Variants in DYSF observed in about 807,000 individuals in gnomAD.
DYSF encodes dystrophy-associated fer-1-like 1.
Under a neutral mutation model 274.9 loss-of-function variants are expected in DYSF, and 212 were observed. That is an observed-to-expected ratio of 0.77 (90% CI 0.69 to 0.86). DYSF has a LOEUF of 0.86. Among genes scored for constraint, DYSF ranks in the 40% least tolerant of loss-of-function variants. The pLI is 0.00. For synonymous variants in DYSF, 1,091 were observed against 1,078.7 expected, an observed-to-expected ratio of 1.01 and a Z score of -0.22; for missense variants, 2,666 against 2,783.2, an observed-to-expected ratio of 0.96 and a Z score of 0.95.
intron 40 of DYSF, among the ~76,000 whole-genome samples, chr2:71,616,855 A>G (rs573799316): frequency 2.0e-5 from 3 of 152,042 alleles, no homozygotes; most frequent in Admixed American, 2.0e-4. Flanking sequence ...TCTGTCTCTG[A>G]TTCTGTCTCT....
intron 3 of DYSF, among the ~76,000 whole-genome samples, chr2:71,486,408 G>A (rs1217338653): frequency 2.6e-5 from 4 of 151,590 alleles, no homozygotes; most frequent in Non-Finnish European, 4.4e-5. Context: ...TCCTTCCTGT[G>A]CCCCTCCTTT....
At chr2:71,572,780 G>A (rs1022094427) in intron 29 of DYSF, among the ~76,000 whole-genome samples, 1 of 152,226 alleles carries the variant, frequency 6.6e-6, no homozygotes, top group Non-Finnish European at 1.5e-5. Flanking sequence ...CCTGGAGCAG[G>A]TGGCTTCTGG....
At chr2:71,599,548 G>C (rs781611409) in intron 33 of DYSF, among the ~76,000 whole-genome samples, 1 of 152,196 alleles carries the variant, frequency 6.6e-6, no homozygotes, top group Non-Finnish European at 1.5e-5. Flanking sequence ...GGGTTGGGGT[G>C]TCAGTGCGAG....
intron 38 of DYSF, 30 bp downstream of exon 38, chr2:71,611,656 C>CA (rs1283399427): frequency 1.9e-6 from 3 of 1,609,340 alleles, no homozygotes; most frequent in Non-Finnish European, 2.5e-6. Context: ...TGTCCCCTTC[C>CA]AGAGTCCTGG....
At chr2:71,549,147 G>A (rs1207938387) in intron 17 of DYSF, among the ~76,000 whole-genome samples, 2 of 152,178 alleles carry the variant, frequency 1.3e-5, no homozygotes, top group Admixed American at 6.5e-5. Flanking sequence ...TGGGGGCTGC[G>A]TCTGGAGGGG....
Position 71,489,724 on chromosome 2 carries a change from G to T in DYSF, c.239+7754G>T, listed in dbSNP as rs1054171500. Among the ~76,000 whole-genome samples, 3 of 152,176 alleles carry T rather than the reference G, an allele frequency of 2.0e-5. No homozygotes were observed. In the East Asian group the frequency reaches 5.8e-4, roughly 29 times the overall value. Reference sequence around the variant, plus strand: ...CTGGAGTATGCTGGTGGGATTGAGGGGCTCTGTACTGGGAGGGGCAGGTAT... The same window carrying T: ...CTGGAGTATGCTGGTGGGATTGAGGTGCTCTGTACTGGGAGGGGCAGGTAT... On this transcript the variant is annotated intron_variant, in intron 3 of 55. Coordinates refer to ENST00000410020, the MANE Select transcript of DYSF (RefSeq NM_001130987.2).
At chr2:71,485,082 C>A (rs1011993119) in intron 3 of DYSF, among the ~76,000 whole-genome samples, 3 of 152,218 alleles carry the variant, frequency 2.0e-5, no homozygotes. Flanking sequence ...CCAGAAACAC[C>A]TTTCTTATAA....
intron 30 of DYSF, among the ~76,000 whole-genome samples, chr2:71,585,908 T>G (rs1392075617): frequency 6.6e-6 from 1 of 151,678 alleles, no homozygotes. Flanking sequence ...CCTTGCAGGG[T>G]GACCTTGATG....
At chr2:71,597,541 C>T (rs992624419) in intron 32 of DYSF, among the ~76,000 whole-genome samples, 55 of 152,258 alleles carry the variant, frequency 3.6e-4, no homozygotes, top group Admixed American at 9.2e-4. Context: ...CTGCTGAATC[C>T]GAGTCTCTGG....
chr2:71,669,337 G>A, intron 50 of DYSF, 130 bp downstream of exon 50: 1 of 930,376 alleles, frequency 1.1e-6, no homozygotes, highest in Non-Finnish European at 1.7e-6. Context: ...AGGGCTCCTG[G>A]GGGTGGTCCC....
intron 4 of DYSF, among the ~76,000 whole-genome samples, chr2:71,503,646 C>T (rs760777760): frequency 6.6e-6 from 1 of 152,206 alleles, no homozygotes; most frequent in Non-Finnish European, 1.5e-5. Context: ...CCCACCTAGT[C>T]TCCCTGGCAG....
In DYSF at chr2:71,665,136, A is replaced by G. The variant is rs369607059; in HGVS notation, c.5175-26A>G. The G allele has an allele frequency of 2.5e-6, 4 of 1,612,628 alleles. No individual in the cohort carries two copies. In the African/African-American group the frequency reaches 5.3e-5, roughly 22 times the overall value. On this transcript the variant is annotated intron_variant, in intron 46 of 55. Coordinates refer to ENST00000410020, the MANE Select transcript of DYSF (RefSeq NM_001130987.2). ...CTCATGAGTGTCCTTGAAGCATCTCATCTATGTCTTGTGCTTGCTCCTCAG... is the reference window on the plus strand; with the variant it reads ...CTCATGAGTGTCCTTGAAGCATCTCGTCTATGTCTTGTGCTTGCTCCTCAG...
At chr2:71,646,332 C>G (rs934082071) in intron 42 of DYSF, among the ~76,000 whole-genome samples, 2 of 152,220 alleles carry the variant, frequency 1.3e-5, no homozygotes, top group Non-Finnish European at 2.9e-5. Flanking sequence ...CCTCGCTGCT[C>G]CCTCAGGTGC....
chr2:71,607,202 A>G lies in DYSF; in HGVS notation c.3958-4043A>G, dbSNP rs538884171. On this transcript the variant is annotated intron_variant, in intron 36 of 55. Transcript: ENST00000410020. The stretch of plus-strand genomic sequence containing the variant: ...ATGGACACCTGCTGTCTGAATAGGA[A>G]GTACAGGAGGAGTAGGGGTAGAAGT... Among the ~76,000 whole-genome samples the G allele has an allele frequency of 4.6e-5, 7 of 152,310 alleles. No homozygotes were observed. In the South Asian group the frequency reaches 1.5e-3, roughly 32 times the overall value.
intron 5 of DYSF, among the ~76,000 whole-genome samples, chr2:71,512,559 G>A (rs570003284): frequency 2.0e-5 from 3 of 152,322 alleles, no homozygotes; most frequent in South Asian, 4.1e-4. Flanking sequence ...CTGGTCAAGC[G>A]AGGACCCAGC....
At chr2:71,538,925 G>A (rs1430504468) in intron 16 of DYSF, among the ~76,000 whole-genome samples, 1 of 152,206 alleles carries the variant, frequency 6.6e-6, no homozygotes, top group Non-Finnish European at 1.5e-5. Context: ...GATGCTGGTG[G>A]TTGGCGAGAT....
chr2:71,633,642 T>C (rs1375110073), intron 41 of DYSF, among the ~76,000 whole-genome samples: 1 of 152,194 alleles, frequency 6.6e-6, no homozygotes, highest in Non-Finnish European at 1.5e-5. Context: ...AGGATGTCTA[T>C]CTCTGGGTTG....
At chr2:71,528,957 C>G (rs534845022) in intron 14 of DYSF, among the ~76,000 whole-genome samples, 1 of 152,178 alleles carries the variant, frequency 6.6e-6, no homozygotes, top group Non-Finnish European at 1.5e-5. Context: ...CTGTGCACCC[C>G]CCACAGGCTT....
rs3791829 is a variant in DYSF, at chr2:71,669,945, A to G, written c.5784+199A>G. ...GTGTCACCACCACTGCTGTCTCAGC[A>G]TTGTGTGATGGCCTCTGTCCCATCA... On this transcript the variant is annotated intron_variant, in intron 51 of 55. Transcript: ENST00000410020. Among the ~76,000 whole-genome samples, 132,245 of 152,166 alleles carry G rather than the reference A, an allele frequency of 0.87. 57,645 individuals are homozygous for G. Among genetic ancestry groups the G allele is most frequent in the Middle Eastern group, 0.92 (271 of 294 alleles).
Sources: allele counts gnomAD v4.1 joint callset (sites outside exome capture counted in the v4.1 genomes callset), GRCh38; gene constraint gnomAD v4.1.1; transcripts MANE v1.5; gene names NCBI Gene and HGNC (gene_info 2026-07-23, HGNC 2026-07-21).